Variants in DNAH17 observed in about 807,000 individuals in gnomAD.
DNAH17 encodes dynein axonemal heavy chain 17, also known as axonemal beta dynein heavy chain 17.
Under a neutral mutation model 485.6 loss-of-function variants are expected in DNAH17, and 376 were observed. That is an observed-to-expected ratio of 0.77 (90% confidence interval 0.71 to 0.84). DNAH17 has a LOEUF of 0.84. Ranked by LOEUF, DNAH17 falls within the 40% of genes least tolerant of loss-of-function variation. The probability of loss-of-function intolerance (pLI) is 0.00; values close to 1 mark genes in which losing one functional copy is unlikely to be tolerated. For missense variants in DNAH17, 6,370 were observed against 5,839.3 expected (o/e 1.09, Z -2.96); for synonymous variants, 3,031 against 2,405.9 (o/e 1.26, Z -7.60).
At chr17:78,515,139 G>C in intron 25 of DNAH17, 117 bp from the exon 26 acceptor site, 1 of 1,178,466 alleles carries the variant, frequency 8.5e-7, no homozygotes, top group Non-Finnish European at 1.2e-6. Context: ...GGAATATTTA[G>C]AACTAATACC....
At chr17:78,461,288 C>G (rs770546331) in intron 58 of DNAH17, among the ~76,000 whole-genome samples, 5 of 152,190 alleles carry the variant, frequency 3.3e-5, no homozygotes, top group Non-Finnish European at 5.9e-5. Context: ...GTGAGGCTGC[C>G]GCTGTAGGCT....
At chr17:78,446,908 T>C (rs2087330707) in intron 69 of DNAH17, among the ~76,000 whole-genome samples, 1 of 152,198 alleles carries the variant, frequency 6.6e-6, no homozygotes, top group Non-Finnish European at 1.5e-5. Flanking sequence ...CCTCCCAACG[T>C]ACCAGGATTA....
chr17:78,437,686 C>T lies in DNAH17; in HGVS notation c.11988G>A (p.Thr3996=), dbSNP rs10221269. 9.2e-5 allele frequency: 148 copies of T among 1,611,816 alleles called. 2 individuals carry two copies. Among genetic ancestry groups the T allele is most frequent in the South Asian group, 6.8e-4 (62 of 90,972 alleles). The change falls in exon 74 of 81, where the codon ACG becomes ACA. Residue 3996 remains threonine, a synonymous_variant. Coordinates refer to ENST00000389840, the MANE Select transcript of DNAH17 (RefSeq NM_173628.4). Reference sequence around the variant, plus strand: ...CCTTGTGCAAGTTGGCGTGCATGCCCGTGGGGGGCTCGTTGGTGATCTTGA... The same window carrying T: ...CCTTGTGCAAGTTGGCGTGCATGCCTGTGGGGGGCTCGTTGGTGATCTTGA... ...NAIKITNEPP[T]GMHANLHKAL...
chr17:78,468,445 A>G (rs900134773), intron 55 of DNAH17, among the ~76,000 whole-genome samples, 172 bp downstream of exon 55: 2 of 152,116 alleles, frequency 1.3e-5, no homozygotes, highest in African/African-American at 4.8e-5. Context: ...CACGTGAAAA[A>G]GTCTCCAGGC....
chr17:78,571,194 C>G, intron 5 of DNAH17, 85 bp downstream of exon 5: 1 of 1,360,542 alleles, frequency 7.4e-7, no homozygotes, highest in South Asian at 1.2e-5. Flanking sequence ...GGCCAACATC[C>G]TAGGGTTGGT....
At chr17:78,561,237 A>C (rs2092147489) in intron 12 of DNAH17, among the ~76,000 whole-genome samples, 1 of 151,594 alleles carries the variant, frequency 6.6e-6, no homozygotes, top group Admixed American at 6.6e-5. Flanking sequence ...TCTCCCTTCC[A>C]ACCTGGGGCC....
At chr17:78,552,938 A>T in intron 14 of DNAH17, 133 bp from the exon 15 acceptor site, 1 of 670,112 alleles carries the variant, frequency 1.5e-6, no homozygotes, top group Non-Finnish European at 2.7e-6. Context: ...CTCATGTTGA[A>T]TTGTAATCCC....
chr17:78,552,764 C>T lies in DNAH17; in HGVS notation c.2220G>A (p.Lys740=). The change falls in exon 15 of 81, where the codon AAG becomes AAA. Residue 740 remains lysine (K), a synonymous_variant. Transcript: ENST00000389840. ...TGACATCAATTGCTTCCAGTTCTGA[C>T]TTTATTAGTAGAAATTCTACTGCCT... is the stretch of plus-strand genomic sequence containing the variant. ...IVKAVEFLLI[K]SELEAIDVKL... is the part of the protein sequence containing the mutation. 6.2e-7 allele frequency: 1 copy of T among 1,613,850 alleles called. No homozygotes were observed.
rs534065553 is a variant in DNAH17, at chr17:78,573,364, C to T, written c.346-470G>A. The stretch of plus-strand genomic sequence containing the variant: ...TGTAAATCCTAGGACTTAGGGAGGC[C>T]GAGGCAGGTACATCACCTGAGGTCA... On this transcript the variant is annotated intron_variant, in intron 2 of 80. Transcript: ENST00000389840. Among the ~76,000 whole-genome samples the T allele has an allele frequency of 7.2e-5, 11 of 152,030 alleles. No homozygotes were observed. The South Asian group carries it at 1.0e-3, about 14-fold the overall frequency.
At position 78,506,711 on chromosome 17, in the gene DNAH17, C is replaced by G; in HGVS notation, c.4803+9G>C. 1 of 1,613,790 alleles carries G rather than the reference C, an allele frequency of 6.2e-7. No homozygotes were observed. Among genetic ancestry groups the G allele is most frequent in the East Asian group, 2.2e-5 (1 of 44,876 alleles). Reference sequence around the variant, plus strand: ...GCTTAAACACCGGAATGCAAGGGGCCCCGCCTACCTCCACGGGGTCATTGC... The same window carrying G: ...GCTTAAACACCGGAATGCAAGGGGCGCCGCCTACCTCCACGGGGTCATTGC... On this transcript the variant is annotated intron_variant, in intron 30 of 80. Coordinates refer to ENST00000389840, the MANE Select transcript of DNAH17 (RefSeq NM_173628.4).
intron 80 of DNAH17, 78 bp downstream of exon 80, chr17:78,425,268 C>T (rs886773049): frequency 9.0e-6 from 13 of 1,438,564 alleles, no homozygotes; most frequent in South Asian, 6.3e-5. Context: ...CTGTCTTTGC[C>T]AAGAGCTAGT....
chr17:78,501,543 C>T (rs759175289), intron 34 of DNAH17, 199 bp from the exon 35 acceptor site: 358 of 966,028 alleles, frequency 3.7e-4, no homozygotes, highest in Non-Finnish European at 4.6e-4. Flanking sequence ...TTCCAATGGG[C>T]GGGCACCGCT....
intron 54 of DNAH17, among the ~76,000 whole-genome samples, chr17:78,473,081 C>T (rs2088840286): frequency 6.6e-6 from 1 of 152,212 alleles, no homozygotes; most frequent in African/African-American, 2.4e-5. Flanking sequence ...ATTACATAAT[C>T]ACAAACATAT....
chr17:78,429,843 C>T (rs535316219), intron 75 of DNAH17, among the ~76,000 whole-genome samples: 2 of 152,338 alleles, frequency 1.3e-5, no homozygotes, highest in Non-Finnish European at 2.9e-5. Flanking sequence ...CTCCCTTCCA[C>T]CCTGTGGAAG....
intron 14 of DNAH17, 81 bp from the exon 15 acceptor site, chr17:78,552,886 A>G: frequency 2.2e-6 from 2 of 911,872 alleles, no homozygotes; most frequent in Non-Finnish European, 3.6e-6. Context: ...TTTATTCCTC[A>G]ACACCAACTA....
Position 78,532,508 on chromosome 17 carries a change from G to A in DNAH17, c.3088C>T (p.Pro1030Ser). 2 of 1,611,420 alleles carry A rather than the reference G, an allele frequency of 1.2e-6. No homozygotes were observed. Among genetic ancestry groups the A allele is most frequent in the Non-Finnish European group, 1.7e-6 (2 of 1,179,240 alleles). ...TGCTCCTGGAACTGAGCCAGGGTGG[G>A]CGGTGTCTTGGGGATGGTGTCATCT... ...WTDDTIPKTP[P>S]TLAQFQEQID... The change falls in exon 20 of 81, where the codon CCC becomes TCC. Residue 1030 changes from proline to serine, a missense_variant. Coordinates refer to ENST00000389840, the MANE Select transcript of DNAH17 (RefSeq NM_173628.4).
At chr17:78,553,284 T>G (rs112739779) in intron 14 of DNAH17, among the ~76,000 whole-genome samples, 13,867 of 34,724 alleles carry the variant, frequency 0.4, 1,154 homozygotes, top group East Asian at 0.51. Flanking sequence ...GGTTTTTGTG[T>G]TTTTTTTTTT....
chr17:78,482,416 T>G (rs141781945), intron 48 of DNAH17, among the ~76,000 whole-genome samples: 2 of 152,362 alleles, frequency 1.3e-5, no homozygotes, highest in Non-Finnish European at 2.9e-5. Flanking sequence ...CAGATATTAA[T>G]CCACTGTCAA....
chr17:78,456,405 C>A (rs2087804551), intron 62 of DNAH17, among the ~76,000 whole-genome samples: 2 of 147,668 alleles, frequency 1.4e-5, no homozygotes, highest in Admixed American at 1.3e-4. Flanking sequence ...ACCCAAGTTG[C>A]CCACATTGAC....
Sources: allele counts gnomAD v4.1 joint callset (sites outside exome capture counted in the v4.1 genomes callset), GRCh38; gene constraint gnomAD v4.1.1; transcripts MANE v1.5; gene names NCBI Gene and HGNC (gene_info 2026-07-23, HGNC 2026-07-21).